Variants in PDHX observed in about 807,000 individuals in gnomAD.
The protein encoded by PDHX is pyruvate dehydrogenase complex component X, also known as pyruvate dehydrogenase protein X component, mitochondrial.
Under a neutral mutation model 55.3 loss-of-function variants are expected in PDHX, and 33 were observed. The ratio of observed to expected loss-of-function variants is 0.60; its 90% CI spans 0.45 to 0.80. The LOEUF (loss-of-function observed/expected upper bound fraction) is 0.80, where lower values mean the gene tolerates loss of function less well. Among genes scored for constraint, PDHX ranks in the 30% least tolerant of loss-of-function variants. PDHX has a pLI of 0.00. For missense variants in PDHX, 622 were observed against 619.9 expected (o/e 1.00, Z -0.04); for synonymous variants, 226 against 219.4 (o/e 1.03, Z -0.27).
chr11:34,967,652 TC>T (rs1215229724), intron 6 of PDHX, among the ~76,000 whole-genome samples: 1 of 152,132 alleles, frequency 6.6e-6, no homozygotes, highest in Non-Finnish European at 1.5e-5. Flanking sequence ...GTTATTTTCT[TC>T]CTATCAGAAG....
chr11:34,970,316 AAC>A, intron 7 of PDHX, 30 bp downstream of exon 7: 2 of 1,536,690 alleles, frequency 1.3e-6, no homozygotes, highest in Non-Finnish European at 1.8e-6. Flanking sequence ...CTTAATACAA[AAC>A]ACATGCTAAC....
chr11:34,944,867 TG>T (rs751924076), intron 2 of PDHX, among the ~76,000 whole-genome samples: 3 of 152,166 alleles, frequency 2.0e-5, no homozygotes, highest in South Asian at 2.1e-4. Flanking sequence ...CTACTTTTAA[TG>T]GGTGATTTTA....
Position 34,988,437 on chromosome 11 carries a change from T to G in PDHX, c.1182+3709T>G, listed in dbSNP as rs189796780. ...AGCCAGCATCTGAACCCAATCAGAC[T>G]GTAGACTAGAGCCTCCTCCCAACCA... On this transcript the variant is annotated intron_variant, in intron 9 of 10. Coordinates refer to ENST00000227868, the MANE Select transcript of PDHX (RefSeq NM_003477.3). Among the ~76,000 whole-genome samples the G allele has an allele frequency of 4.5e-4, 68 of 152,208 alleles. No homozygotes were observed. In the East Asian group the frequency reaches 0.012, roughly 26 times the overall value.
intron 1 of PDHX, among the ~76,000 whole-genome samples, chr11:34,920,401 A>G (rs761741392): frequency 6.6e-6 from 1 of 152,244 alleles, no homozygotes; most frequent in Non-Finnish European, 1.5e-5. Flanking sequence ...TAGATGTTCA[A>G]TAAACATATC....
At chr11:34,934,833 C>T (rs1429002814) in intron 2 of PDHX, among the ~76,000 whole-genome samples, 1 of 151,900 alleles carries the variant, frequency 6.6e-6, no homozygotes, top group East Asian at 1.9e-4. Context: ...CCTGCCTCGA[C>T]CTCCCAAAGT....
intron 5 of PDHX, among the ~76,000 whole-genome samples, chr11:34,965,055 A>G (rs886277681): frequency 6.6e-6 from 1 of 152,166 alleles, no homozygotes; most frequent in Admixed American, 6.5e-5. Flanking sequence ...CAGTAAACTT[A>G]CCAGCTTAAA....
intron 1 of PDHX, among the ~76,000 whole-genome samples, chr11:34,920,031 C>T (rs900502034): frequency 1.3e-5 from 2 of 152,094 alleles, no homozygotes; most frequent in African/African-American, 4.8e-5. Flanking sequence ...TTGAAATGAT[C>T]AGGAAATAAT....
intron 2 of PDHX, among the ~76,000 whole-genome samples, chr11:34,936,949 C>T (rs552952365): frequency 9.2e-5 from 14 of 151,736 alleles, no homozygotes; most frequent in African/African-American, 2.2e-4. Flanking sequence ...CCACCATGCC[C>T]AGCTAATTTT....
chr11:34,955,668 G>A (rs1854890260), intron 3 of PDHX, among the ~76,000 whole-genome samples: 1 of 152,114 alleles, frequency 6.6e-6, no homozygotes, highest in Non-Finnish European at 1.5e-5. Context: ...TTGTGAAGGT[G>A]TCAATGTTAC....
At chr11:34,929,930 C>A (rs1854114797) in intron 1 of PDHX, among the ~76,000 whole-genome samples, 1 of 152,324 alleles carries the variant, frequency 6.6e-6, no homozygotes. Flanking sequence ...GAGAATGTGA[C>A]TTAGATCTGT....
chr11:34,939,504 T>TGTGTGTGTGCGC (rs1491574898), intron 2 of PDHX, among the ~76,000 whole-genome samples: 5 of 148,512 alleles, frequency 3.4e-5, no homozygotes, highest in African/African-American at 1.3e-4. Context: ...TGTGTGTGTG[T>TGTGTGTGTGCGC]GCACTTGCAT....
chr11:34,966,764 C>A lies in PDHX; in HGVS notation c.766C>A (p.Pro256Thr). 6.2e-7 allele frequency: 1 copy of A among 1,614,128 alleles called. No individual in the cohort carries two copies. The highest frequency in any genetic ancestry group is 8.5e-7 in the Non-Finnish European group (1 of 1,179,978). The change falls in exon 6 of 11, where the codon CCC becomes ACC. Residue 256 changes from proline to threonine, a missense_variant. Pro to Thr is a conservative substitution (Grantham distance 38). Coordinates refer to ENST00000227868, the MANE Select transcript of PDHX (RefSeq NM_003477.3). ...ACAGGCCACAGCTGGACCATCTTATCCCCGGCCTGTGATCCCACCAGTATC... is the reference window on the plus strand; with the variant it reads ...ACAGGCCACAGCTGGACCATCTTATACCCGGCCTGTGATCCCACCAGTATC... ...PLQATAGPSY[P>T]RPVIPPVSTP...
At chr11:34,937,442 CT>C (rs36061427) in intron 2 of PDHX, among the ~76,000 whole-genome samples, 59 of 134,540 alleles carry the variant, frequency 4.4e-4, no homozygotes, top group Admixed American at 1.1e-3. Flanking sequence ...GAGTTGCTGA[CT>C]TTTTTTTTTT....
intron 3 of PDHX, among the ~76,000 whole-genome samples, chr11:34,956,378 A>T (rs1437069521): frequency 6.6e-6 from 1 of 152,164 alleles, no homozygotes; most frequent in African/African-American, 2.4e-5. Context: ...TCATTCTAGA[A>T]GTTATGCTTT....
chr11:34,959,295 G>A (rs1854970680), intron 4 of PDHX, among the ~76,000 whole-genome samples: 1 of 151,968 alleles, frequency 6.6e-6, no homozygotes, highest in African/African-American at 2.4e-5. Context: ...ATACATAGAT[G>A]GCCAGCAGGC....
intron 7 of PDHX, chr11:34,977,652 A>T (rs1726093385): frequency 2.8e-6 from 1 of 354,168 alleles, no homozygotes; most frequent in African/African-American, 2.1e-5. Flanking sequence ...TTATATATAA[A>T]GTACCTACAT....
rs115339492 is a variant in PDHX, at chr11:34,963,019, G to A, written c.641+2501G>A. Among the ~76,000 whole-genome samples the A allele has an allele frequency of 3.3e-3, 507 of 152,138 alleles. 4 individuals are homozygous for A. Among genetic ancestry groups the A allele is most frequent in the African/African-American group, 0.012 (488 of 41,498 alleles). ...TATTCCTTAACTCTCCACGAGAAAGGCATCAGCCTTTGGTCTTCAAAATAA... is the reference window on the plus strand; with the variant it reads ...TATTCCTTAACTCTCCACGAGAAAGACATCAGCCTTTGGTCTTCAAAATAA... On this transcript the variant is annotated intron_variant, in intron 5 of 10. Transcript: ENST00000227868.
chr11:34,969,591 C>T (rs899410404), intron 6 of PDHX, among the ~76,000 whole-genome samples: 3 of 152,138 alleles, frequency 2.0e-5, no homozygotes, highest in African/African-American at 7.2e-5. Context: ...ATCCACCTGC[C>T]TCAGCCTCCC....
intron 10 of PDHX, among the ~76,000 whole-genome samples, chr11:34,994,566 G>A (rs751263835): frequency 6.6e-6 from 1 of 152,144 alleles, no homozygotes; most frequent in Non-Finnish European, 1.5e-5. Context: ...ATGCCACTAG[G>A]CAGCAGAAAT....
Sources: allele counts gnomAD v4.1 joint callset (sites outside exome capture counted in the v4.1 genomes callset), GRCh38; gene constraint gnomAD v4.1.1; transcripts MANE v1.5; gene names NCBI Gene and HGNC (gene_info 2026-07-23, HGNC 2026-07-21).